The following SLC39A3 variants were observed in gnomAD, a reference collection of about 807,000 sequenced individuals.
SLC39A3 encodes the protein zinc transporter ZIP3.
Under a neutral mutation model 5.1 loss-of-function variants are expected in SLC39A3, and 3 were observed. The observed-to-expected ratio is 0.59, with a 90% CI of 0.27 to 1.54. SLC39A3 has a LOEUF of 1.54. SLC39A3 is among the 40% of genes most tolerant of loss of function. The pLI is 0.12. For missense variants in SLC39A3, 412 were observed against 436.4 expected (o/e 0.94, Z 0.50); for synonymous variants, 250 against 218.8 (o/e 1.14, Z -1.26).
At position 2,737,286 on chromosome 19, in the gene SLC39A3, G is replaced by A; in HGVS notation, c.-29C>T. On this transcript the variant is annotated 5_prime_UTR_variant, in exon 2 of 3. Transcript: ENST00000269740. The stretch of plus-strand genomic sequence containing the variant: ...GGCGGCTTGGGCTGCTCTGGTCACT[G>A]CAGGGCCAAACCATCTGTGGGCGCA... 4 of 1,577,604 alleles carry A rather than the reference G, an allele frequency of 2.5e-6. No homozygotes were observed. Among genetic ancestry groups the A allele is most frequent in the African/African-American group, 1.3e-5 (1 of 74,244 alleles).
intron 2 of SLC39A3, chr19:2,736,635 G>GGTCGCCGT: frequency 2.1e-6 from 2 of 949,174 alleles, no homozygotes; most frequent in South Asian, 2.2e-5. Flanking sequence ...CCAGACCCCT[G>GGTCGCCGT]ACTCACAGAA....
At position 2,735,162 on chromosome 19, in the gene SLC39A3, AGG is replaced by A; in HGVS notation, c.211-1679_211-1678del. On this transcript the variant is annotated intron_variant, in intron 2 of 2. Coordinates refer to ENST00000269740, the MANE Select transcript of SLC39A3 (RefSeq NM_144564.5). This position sits in a 1 kb window ranked among gnomAD's most constrained non-coding sequence, Gnocchi z 5.7. ...GGTGACACCATGACCATGGGGGAAA[AGG>A]GGGGCTGGCAGTGGCCTCTGCGATG... 1 of 985,176 alleles carries A rather than the reference AGG, an allele frequency of 1.0e-6. No homozygotes were observed. 61.0% of individuals were successfully genotyped at this position (985,176 alleles called of 1,614,324 possible).
chr19:2,738,650 C>A (rs574997445), intron 1 of SLC39A3, among the ~76,000 whole-genome samples: 2 of 152,208 alleles, frequency 1.3e-5, no homozygotes, highest in South Asian at 4.1e-4. Flanking sequence ...TGGCTCACAC[C>A]TGTAATCTCA....
chr19:2,738,065 G>A (rs1914430321), intron 1 of SLC39A3, among the ~76,000 whole-genome samples: 1 of 151,660 alleles, frequency 6.6e-6, no homozygotes, highest in African/African-American at 2.4e-5. Context: ...CGGCCGTGGT[G>A]GCAGGCACCT....
chr19:2,737,048 C>G lies in SLC39A3; in HGVS notation c.210G>C (p.Lys70Asn). Residue 70 changes from lysine to asparagine, a missense_variant and splice_region_variant, in exon 2 of 3, where the codon AAG (lysine) becomes AAC (asparagine). Transcript: ENST00000269740. The stretch of plus-strand genomic sequence containing the variant: ...CTGCTAGTGCCCAGGGAGCCCTTAC[C>G]TTTTCCCTCACAGCGGGCAGCAGAG... Reference protein sequence around the residue: ...FNALLPAVREKLQKVLSLGHI... With the variant: ...FNALLPAVRENLQKVLSLGHI... The G allele has an allele frequency of 2.5e-6, 4 of 1,614,144 alleles. No homozygotes were observed. Among genetic ancestry groups the G allele is most frequent in the Non-Finnish European group, 3.4e-6 (4 of 1,180,016 alleles).
At chr19:2,737,885 G>C (rs950130396) in intron 1 of SLC39A3, 6 of 151,700 alleles carry the variant, frequency 4.0e-5, no homozygotes, top group Admixed American at 1.3e-4. Flanking sequence ...CTCAAAAAAA[G>C]AAAAAAGTTC....
At chr19:2,737,596 A>T in intron 1 of SLC39A3, 1 of 262,824 alleles carries the variant, frequency 3.8e-6, no homozygotes, top group South Asian at 4.2e-5. Flanking sequence ...TGTAGTAGAG[A>T]CGAGGTTTCA....
chr19:2,735,155 G>A lies in SLC39A3; in HGVS notation c.211-1670C>T. The A allele has an allele frequency of 3.0e-6, 3 of 985,452 alleles. No individual in the cohort carries two copies. The highest frequency in any genetic ancestry group is 3.6e-6 in the Non-Finnish European group (3 of 829,948). The allele number at this position is 985,452 out of a possible 1,614,324, so 61.0% of individuals were successfully genotyped here. ...TGACGGGGGTGACACCATGACCATG[G>A]GGGAAAAGGGGGGCTGGCAGTGGCC... On this transcript the variant is annotated intron_variant, in intron 2 of 2. Coordinates refer to ENST00000269740, the MANE Select transcript of SLC39A3 (RefSeq NM_144564.5). This position sits in a 1 kb window ranked among gnomAD's most constrained non-coding sequence, Gnocchi z 5.7.
Position 2,735,083 on chromosome 19 carries a change from AG to A in SLC39A3, c.211-1599del, listed in dbSNP as rs1393942359. 1.0e-6 allele frequency: 1 copy of A among 984,902 alleles called. No individual in the cohort carries two copies. Among genetic ancestry groups the A allele is most frequent in the Non-Finnish European group, 1.2e-6 (1 of 829,854 alleles). The allele number at this position is 984,902 out of a possible 1,614,324, so 61.0% of individuals were successfully genotyped here. ...TGAGAAGGCCACTGTGATGAGGGGG[AG>A]GGAAGAGCAAGCTCCCCGCAGTCGC... is the stretch of plus-strand genomic sequence containing the variant. On this transcript the variant is annotated intron_variant, in intron 2 of 2. Coordinates refer to ENST00000269740, the MANE Select transcript of SLC39A3 (RefSeq NM_144564.5). This position sits in a 1 kb window ranked among gnomAD's most constrained non-coding sequence, Gnocchi z 5.7.
intron 1 of SLC39A3, chr19:2,739,466 G>A (rs1914480559): frequency 6.6e-6 from 1 of 152,226 alleles, no homozygotes. Flanking sequence ...CTGCTCAGAT[G>A]TCTCCACTCA....
Position 2,735,211 on chromosome 19 carries a change from A to G in SLC39A3, c.211-1726T>C. On this transcript the variant is annotated intron_variant, in intron 2 of 2. Transcript: ENST00000269740. This position sits in a 1 kb window ranked among gnomAD's most constrained non-coding sequence, Gnocchi z 5.7. ...GATGCAGGAGATGTCAGAGATGACC[A>G]AGATCTCCATCCTCGCAGTGCAGAT... 2 of 985,446 alleles carry G rather than the reference A, an allele frequency of 2.0e-6. No individual in the cohort carries two copies. The highest frequency in any genetic ancestry group is 2.4e-6 in the Non-Finnish European group (2 of 829,950). 61.0% of individuals were successfully genotyped at this position (985,446 alleles called of 1,614,324 possible).
At position 2,734,057 on chromosome 19, in the gene SLC39A3, C is replaced by T. The variant is rs569051982; in HGVS notation, c.211-572G>A. 2.4e-4 allele frequency among the ~76,000 whole-genome samples: 37 copies of T among 152,318 alleles called. No individual in the cohort carries two copies. In the South Asian group the frequency reaches 7.5e-3, roughly 31 times the overall value. The stretch of plus-strand genomic sequence containing the variant: ...CTCCTCCTGGTCAGGGCTCTCCTAG[C>T]GAGGGGAGACTTTGGTGGGGAGAAA... On this transcript the variant is annotated intron_variant, in intron 2 of 2. Transcript: ENST00000269740. The surrounding 1 kb of genome is among the most constrained non-coding windows in gnomAD (Gnocchi z 4.6).
intron 1 of SLC39A3, among the ~76,000 whole-genome samples, chr19:2,738,471 G>T (rs567852477): frequency 1.3e-5 from 2 of 152,216 alleles, no homozygotes; most frequent in Non-Finnish European, 2.9e-5. Flanking sequence ...GCCCTCACTG[G>T]TCCTTTCTGT....
Position 2,734,958 on chromosome 19 carries a change from C to G in SLC39A3, c.211-1473G>C, listed in dbSNP as rs1914313761. 1 of 985,368 alleles carries G rather than the reference C, an allele frequency of 1.0e-6. No homozygotes were observed. The highest frequency in any genetic ancestry group is 1.2e-6 in the Non-Finnish European group (1 of 829,994). 61.0% of individuals were successfully genotyped at this position (985,368 alleles called of 1,614,324 possible). On this transcript the variant is annotated intron_variant, in intron 2 of 2. Coordinates refer to ENST00000269740, the MANE Select transcript of SLC39A3 (RefSeq NM_144564.5). The surrounding 1 kb of genome is among the most constrained non-coding windows in gnomAD (Gnocchi z 4.6). ...ACCATTTTCCAGGGGTGACTGAGAG[C>G]CTGGCCCTGCAGTGGGTGAGGCTGG...
In SLC39A3 at chr19:2,735,252, C is replaced by A. The variant is rs1425345975; in HGVS notation, c.211-1767G>T. 4.1e-6 allele frequency: 4 copies of A among 982,856 alleles called. No homozygotes were observed. The African/African-American group carries it at 7.0e-5, about 17-fold the overall frequency. The allele number at this position is 982,856 out of a possible 1,614,324, so 60.9% of individuals were successfully genotyped here. On this transcript the variant is annotated intron_variant, in intron 2 of 2. Coordinates refer to ENST00000269740, the MANE Select transcript of SLC39A3 (RefSeq NM_144564.5). This position sits in a 1 kb window ranked among gnomAD's most constrained non-coding sequence, Gnocchi z 5.7. ...CAGTGCAGATGTCAGTCTTCACACACCGCGTAACGAACGAATGCAGACTCA... is the reference window on the plus strand; with the variant it reads ...CAGTGCAGATGTCAGTCTTCACACAACGCGTAACGAACGAATGCAGACTCA...
intron 1 of SLC39A3, among the ~76,000 whole-genome samples, chr19:2,739,689 C>G (rs139702215): frequency 0.013 from 1,987 of 152,308 alleles, 23 homozygotes; most frequent in Non-Finnish European, 0.019. Context: ...ACCTGTCCGG[C>G]ATCTGGATAC....
rs988209055 is a variant in SLC39A3, at chr19:2,734,250, G to C, written c.211-765C>G. Among the ~76,000 whole-genome samples the C allele has an allele frequency of 6.6e-6, 1 of 152,246 alleles. No homozygotes were observed. Among genetic ancestry groups the C allele is most frequent in the Non-Finnish European group, 1.5e-5 (1 of 68,044 alleles). On this transcript the variant is annotated intron_variant, in intron 2 of 2. Coordinates refer to ENST00000269740, the MANE Select transcript of SLC39A3 (RefSeq NM_144564.5). The surrounding 1 kb of genome is among the most constrained non-coding windows in gnomAD (Gnocchi z 4.6). The stretch of plus-strand genomic sequence containing the variant: ...GCCCACAACAGCTCCCTGGAGCCTC[G>C]TCACGGCAGGGCCAGAGTTCACAGC...
chr19:2,734,820 G>C lies in SLC39A3; in HGVS notation c.211-1335C>G. The C allele has an allele frequency of 1.0e-6, 1 of 985,504 alleles. No individual in the cohort carries two copies. The highest frequency in any genetic ancestry group is 1.7e-5 in the African/African-American group (1 of 57,372). The allele number at this position is 985,504 out of a possible 1,614,324, so 61.0% of individuals were successfully genotyped here. On this transcript the variant is annotated intron_variant, in intron 2 of 2. Coordinates refer to ENST00000269740, the MANE Select transcript of SLC39A3 (RefSeq NM_144564.5). The surrounding 1 kb of genome is among the most constrained non-coding windows in gnomAD (Gnocchi z 4.6). Reference sequence around the variant, plus strand: ...ACTCCCTCACTGACCACCGGCTGGAGGCCTCATGCATGCCTCGCTTGAGGA... The same window carrying C: ...ACTCCCTCACTGACCACCGGCTGGACGCCTCATGCATGCCTCGCTTGAGGA...
chr19:2,737,411 C>A, intron 1 of SLC39A3, 32 bp from the exon 2 acceptor site: 14 of 1,314,416 alleles, frequency 1.1e-5, no homozygotes, highest in Non-Finnish European at 1.4e-5. Flanking sequence ...CATTAGCTTT[C>A]TTTCTTTTTT....
Sources: gnomAD v4.1 joint callset for allele counts (sites outside exome capture counted in the v4.1 genomes callset) on GRCh38, gnomAD v4.1.1 for gene constraint, Gnocchi (gnomAD v3.1) non-coding constraint, MANE v1.5 for transcripts, NCBI Gene and HGNC (gene_info 2026-07-23, HGNC 2026-07-21) for gene names.